Variants in LAPTM4A observed in about 807,000 individuals in gnomAD.
LAPTM4A encodes the protein lysosomal-associated transmembrane protein 4A.
LAPTM4A carries 19 observed loss-of-function variants against 29.9 expected under a neutral mutation model. The observed-to-expected ratio is 0.64, with a 90% CI of 0.44 to 0.93. The LOEUF is 0.93. Ranked by LOEUF, LAPTM4A falls within the 40% of genes least tolerant of loss-of-function variation. The probability of loss-of-function intolerance (pLI) is 0.00; values close to 1 mark genes in which losing one functional copy is unlikely to be tolerated. For missense variants in LAPTM4A, 293 were observed against 288.5 expected, an observed-to-expected ratio of 1.02 and a Z score of -0.11; for synonymous variants, 105 against 102.1, an observed-to-expected ratio of 1.03 and a Z score of -0.17.
chr2:20,050,505 T>A (rs1674029921), intron 1 of LAPTM4A, among the ~76,000 whole-genome samples: 1 of 152,222 alleles, frequency 6.6e-6, no homozygotes, highest in African/African-American at 2.4e-5. Context: ...GGCAAAATCA[T>A]AATAACCTAA....
chr2:20,045,767 C>A (rs1673904915), intron 1 of LAPTM4A, among the ~76,000 whole-genome samples: 1 of 152,132 alleles, frequency 6.6e-6, no homozygotes, highest in African/African-American at 2.4e-5. Flanking sequence ...CACTGCCACA[C>A]CTATTCCAGA....
At chr2:20,042,511 T>G (rs942173609) in intron 1 of LAPTM4A, among the ~76,000 whole-genome samples, 1 of 152,244 alleles carries the variant, frequency 6.6e-6, no homozygotes, top group Non-Finnish European at 1.5e-5. Context: ...AGGATCAGCA[T>G]GTAATCAGTA....
chr2:20,048,749 G>C lies in LAPTM4A; in HGVS notation c.111+2661C>G, dbSNP rs565496642. On this transcript the variant is annotated intron_variant, in intron 1 of 6. Transcript: ENST00000175091. ...AGCAAGAGAGTACCTTGACAAGGTA[G>C]GTAGGGAGGGAAGTGACATTTAATA... 1.4e-4 allele frequency among the ~76,000 whole-genome samples: 21 copies of C among 152,328 alleles called. No individual in the cohort carries two copies. In the South Asian group the frequency reaches 3.9e-3, roughly 29 times the overall value.
At chr2:20,041,363 T>C (rs1332818643) in intron 1 of LAPTM4A, among the ~76,000 whole-genome samples, 1 of 152,222 alleles carries the variant, frequency 6.6e-6, no homozygotes, top group East Asian at 1.9e-4. Flanking sequence ...GAAGTTACTG[T>C]TCATCTGTTA....
chr2:20,037,597 A>G lies in LAPTM4A; in HGVS notation c.250T>C (p.Phe84Leu). The change falls in exon 3 of 7, where the codon TTT becomes CTT. Residue 84 changes from phenylalanine (F) to leucine (L), a missense_variant. Phe to Leu is a conservative substitution (Grantham distance 22). Coordinates refer to ENST00000175091, the MANE Select transcript of LAPTM4A (RefSeq NM_014713.5). ...ERMADNACVL[F>L]AVSVLMFIIS... is the part of the protein sequence containing the mutation. ...ATAAACATAAGAACAGAGACGGCAA[A>G]AAGAACACAGGCATTATCTAAGAAA... The G allele has an allele frequency of 6.2e-7, 1 of 1,607,944 alleles. No homozygotes were observed. Among genetic ancestry groups the G allele is most frequent in the Non-Finnish European group, 8.5e-7 (1 of 1,177,388 alleles).
At chr2:20,046,091 G>T (rs903669387) in intron 1 of LAPTM4A, among the ~76,000 whole-genome samples, 4 of 152,126 alleles carry the variant, frequency 2.6e-5, no homozygotes, top group African/African-American at 9.7e-5. Flanking sequence ...ACTATTACAA[G>T]GACAGAAAAC....
chr2:20,043,032 T>A (rs1673835472), intron 1 of LAPTM4A, among the ~76,000 whole-genome samples: 1 of 151,556 alleles, frequency 6.6e-6, no homozygotes, highest in Admixed American at 6.6e-5. Context: ...CTCCACCTCC[T>A]GGGTTCAAGC....
intron 1 of LAPTM4A, among the ~76,000 whole-genome samples, chr2:20,045,088 C>G (rs1673890216): frequency 6.6e-6 from 1 of 152,180 alleles, no homozygotes; most frequent in Non-Finnish European, 1.5e-5. Flanking sequence ...CTACCTTGTG[C>G]TCACATGTAA....
chr2:20,034,185 T>C, intron 6 of LAPTM4A, 132 bp downstream of exon 6: 1 of 706,514 alleles, frequency 1.4e-6, no homozygotes, highest in East Asian at 2.5e-5. Flanking sequence ...TTTTAAGCTG[T>C]TCATAAAAGT....
chr2:20,037,487 C>T (rs1467753846), intron 3 of LAPTM4A, 49 bp from the exon 4 acceptor site: 1 of 1,599,888 alleles, frequency 6.3e-7, no homozygotes, highest in South Asian at 1.1e-5. Context: ...TAGGAAATTA[C>T]TAAGCTCCCC....
At chr2:20,043,413 G>A (rs746316037) in intron 1 of LAPTM4A, among the ~76,000 whole-genome samples, 3 of 151,932 alleles carry the variant, frequency 2.0e-5, no homozygotes, top group Admixed American at 1.3e-4. Flanking sequence ...GTGGGGTTTC[G>A]CCACGTTGGC....
At chr2:20,049,652 G>A (rs772012393) in intron 1 of LAPTM4A, among the ~76,000 whole-genome samples, 5 of 152,132 alleles carry the variant, frequency 3.3e-5, no homozygotes, top group Admixed American at 6.5e-5. Context: ...AATTACATTC[G>A]GATGGTTGAA....
At position 20,034,413 on chromosome 2, in the gene LAPTM4A, A is replaced by G; in HGVS notation, c.531T>C (p.Ala177=). Reference sequence around the variant, plus strand: ...AGTTCCAAACACAGTTAATTAGATAAGCCTGGAAGAATAAAAACAAAGTTG... The same window carrying G: ...AGTTCCAAACACAGTTAATTAGATAGGCCTGGAAGAATAAAAACAAAGTTG... ...VFFALFIIFK[A]YLINCVWNCY... Residue 177 remains alanine, a splice_region_variant and synonymous_variant, in exon 6 of 7, where the codon GCT becomes GCC. Coordinates refer to ENST00000175091, the MANE Select transcript of LAPTM4A (RefSeq NM_014713.5). 2.5e-6 allele frequency: 4 copies of G among 1,606,368 alleles called. No homozygotes were observed. In the African/African-American group the frequency reaches 4.0e-5, roughly 16 times the overall value.
chr2:20,049,666 G>T (rs6706375), intron 1 of LAPTM4A, among the ~76,000 whole-genome samples: 24,772 of 152,198 alleles, frequency 0.16, 2,515 homozygotes, highest in East Asian at 0.31. Context: ...GGTTGAAATA[G>T]AAATGGTGGT....
chr2:20,049,362 AAAGT>A (rs1674003434), intron 1 of LAPTM4A, among the ~76,000 whole-genome samples: 1 of 152,252 alleles, frequency 6.6e-6, no homozygotes, highest in African/African-American at 2.4e-5. Context: ...AAGTCTATGC[AAAGT>A]AAGAACAGCT....
intron 4 of LAPTM4A, among the ~76,000 whole-genome samples, chr2:20,035,970 A>G (rs116483847): frequency 1.6e-3 from 243 of 152,116 alleles, no homozygotes; most frequent in Non-Finnish European, 2.6e-3. Context: ...AGAACACACT[A>G]CTCCCCAAAC....
At chr2:20,040,372 A>G (rs1673768373) in intron 2 of LAPTM4A, among the ~76,000 whole-genome samples, 1 of 152,212 alleles carries the variant, frequency 6.6e-6, no homozygotes, top group Non-Finnish European at 1.5e-5. Flanking sequence ...AAACCCATCA[A>G]AATACTTTCC....
chr2:20,046,261 A>ATGGG (rs1312994311), intron 1 of LAPTM4A, among the ~76,000 whole-genome samples: 1 of 152,086 alleles, frequency 6.6e-6, no homozygotes, highest in Admixed American at 6.5e-5. Flanking sequence ...TGATGAGTTG[A>ATGGG]TGGGTGCAGC....
intron 1 of LAPTM4A, 149 bp downstream of exon 1, chr2:20,051,261 G>T: frequency 1.5e-6 from 1 of 659,994 alleles, no homozygotes; most frequent in Non-Finnish European, 2.8e-6. Flanking sequence ...CAAAGTCCTT[G>T]GACTTCATCC....
Sources: gnomAD v4.1 joint callset for allele counts (sites outside exome capture counted in the v4.1 genomes callset) on GRCh38, gnomAD v4.1.1 for gene constraint, MANE v1.5 for transcripts, NCBI Gene and HGNC (gene_info 2026-07-23, HGNC 2026-07-21) for gene names.